The following SENP5 variants were observed in gnomAD, a reference collection of about 807,000 sequenced individuals.
SENP5 encodes the protein sentrin-specific protease 5.
SENP5 carries 21 observed loss-of-function variants against 74.2 expected under a neutral mutation model. The observed-to-expected ratio is 0.28, with a 90% CI of 0.20 to 0.41. The LOEUF is 0.41. Among genes scored for constraint, SENP5 ranks in the 10% least tolerant of loss-of-function variants. The probability of loss-of-function intolerance (pLI) is 1.00; values close to 1 mark genes in which losing one functional copy is unlikely to be tolerated. For missense variants in SENP5, 717 were observed against 889.1 expected, an observed-to-expected ratio of 0.81 and a Z score of 2.46; for synonymous variants, 311 against 312.7, an observed-to-expected ratio of 0.99 and a Z score of 0.06.
intron 6 of SENP5, among the ~76,000 whole-genome samples, chr3:196,920,208 C>T (rs1246082224): frequency 6.6e-6 from 1 of 152,142 alleles, no homozygotes; most frequent in Non-Finnish European, 1.5e-5. Flanking sequence ...TGGTATATAT[C>T]TTTGCATTTA....
intron 6 of SENP5, among the ~76,000 whole-genome samples, chr3:196,911,621 C>T (rs1011977364): frequency 2.0e-5 from 3 of 151,146 alleles, no homozygotes; most frequent in Non-Finnish European, 2.9e-5. Context: ...ATCAGTTGGG[C>T]GCGGTGGCTC....
At chr3:196,888,320 C>T (rs998146977) in intron 2 of SENP5, among the ~76,000 whole-genome samples, 2 of 152,104 alleles carry the variant, frequency 1.3e-5, no homozygotes, top group Admixed American at 6.5e-5. Flanking sequence ...CTGTGGCTCA[C>T]GCCTGTAATC....
intron 8 of SENP5, among the ~76,000 whole-genome samples, chr3:196,928,116 A>T (rs775228538): frequency 3.9e-5 from 6 of 152,006 alleles, no homozygotes; most frequent in Non-Finnish European, 8.8e-5. Flanking sequence ...GTTGCTAATG[A>T]TGTGTTTGCT....
intron 7 of SENP5, among the ~76,000 whole-genome samples, chr3:196,925,024 G>GGT (rs760216478): frequency 3.9e-5 from 6 of 152,104 alleles, no homozygotes; most frequent in Non-Finnish European, 8.8e-5. Context: ...AATACATGCA[G>GGT]GTGTATGTGT....
intron 1 of SENP5, among the ~76,000 whole-genome samples, chr3:196,868,541 C>G (rs1019544200): frequency 6.6e-6 from 1 of 152,152 alleles, no homozygotes; most frequent in Non-Finnish European, 1.5e-5. Flanking sequence ...GACGTCTTTT[C>G]CCTTCGGTCT....
intron 8 of SENP5, among the ~76,000 whole-genome samples, chr3:196,928,724 A>G (rs1208319682): frequency 6.6e-6 from 1 of 152,200 alleles, no homozygotes; most frequent in Non-Finnish European, 1.5e-5. Context: ...ACCAAATGCT[A>G]AATTTTAAAA....
intron 6 of SENP5, among the ~76,000 whole-genome samples, chr3:196,911,513 C>T (rs904997972): frequency 3.3e-5 from 5 of 150,774 alleles, no homozygotes; most frequent in African/African-American, 7.3e-5. Flanking sequence ...GCCAAGATTG[C>T]GCCACTGCAC....
At chr3:196,870,132 G>A (rs1383589222) in intron 1 of SENP5, among the ~76,000 whole-genome samples, 3 of 152,090 alleles carry the variant, frequency 2.0e-5, no homozygotes, top group Non-Finnish European at 4.4e-5. Context: ...ATGTCTTTGC[G>A]AATTTTTAGT....
chr3:196,897,291 G>A (rs1424387159), intron 2 of SENP5, among the ~76,000 whole-genome samples: 2 of 152,194 alleles, frequency 1.3e-5, no homozygotes, highest in African/African-American at 2.4e-5. Context: ...ACAAGGTTAT[G>A]ATTAGGTAAC....
intron 6 of SENP5, among the ~76,000 whole-genome samples, chr3:196,905,962 G>A (rs1030413566): frequency 2.6e-5 from 4 of 152,146 alleles, no homozygotes; most frequent in Non-Finnish European, 5.9e-5. Flanking sequence ...TCATGTCCCC[G>A]TAATCCCAGC....
intron 1 of SENP5, among the ~76,000 whole-genome samples, chr3:196,876,973 C>T (rs190593720): frequency 1.3e-5 from 2 of 152,182 alleles, no homozygotes; most frequent in East Asian, 1.9e-4. Flanking sequence ...AAACCCAAAC[C>T]GTGGAATCAT....
chr3:196,929,705 G>A (rs777329496), intron 9 of SENP5, 22 bp downstream of exon 9: 5 of 1,568,810 alleles, frequency 3.2e-6, no homozygotes, highest in African/African-American at 1.4e-5. Flanking sequence ...CTTGCTTTTC[G>A]GAACTTACAA....
intron 1 of SENP5, among the ~76,000 whole-genome samples, chr3:196,874,879 A>G (rs1713388191): frequency 6.6e-6 from 1 of 152,160 alleles, no homozygotes; most frequent in South Asian, 2.1e-4. Flanking sequence ...GAAAAAAAAA[A>G]AAATTCCTAG....
chr3:196,868,230 C>T (rs1359002124), intron 1 of SENP5, among the ~76,000 whole-genome samples, 157 bp downstream of exon 1: 1 of 152,232 alleles, frequency 6.6e-6, no homozygotes, highest in Non-Finnish European at 1.5e-5. Flanking sequence ...CCGTCTCGGC[C>T]ACAGCCTCCC....
intron 5 of SENP5, 95 bp from the exon 6 acceptor site, chr3:196,903,438 C>A: frequency 1.4e-6 from 1 of 728,118 alleles, no homozygotes; most frequent in Non-Finnish European, 2.2e-6. Flanking sequence ...TTTTTGTCTG[C>A]TTTACATTCA....
chr3:196,885,620 AGT>A lies in SENP5; in HGVS notation c.441_442del (p.Ala148PhefsTer10). The A allele has an allele frequency of 6.2e-7, 1 of 1,614,220 alleles. No homozygotes were observed. Among genetic ancestry groups the A allele is most frequent in the Non-Finnish European group, 8.5e-7 (1 of 1,180,056 alleles). On this transcript the variant is annotated frameshift_variant, in exon 2 of 10. Coordinates refer to ENST00000323460, the MANE Select transcript of SENP5 (RefSeq NM_152699.5). LOFTEE classifies it high-confidence loss of function. ...GGCAGTTACTGACTTTCCATCAAATAGTGCTTTAGGTCAGGCCAATGGTCACA... is the reference window on the plus strand; with the variant it reads ...GGCAGTTACTGACTTTCCATCAAATAGCTTTAGGTCAGGCCAATGGTCACA... Reference protein sequence around the residue: ...LKAVTDFPSNSALGQANGHRP... With the variant: ...LKAVTDFPSNXALGQANGHRP...
chr3:196,898,340 T>C (rs1238295185), intron 2 of SENP5, among the ~76,000 whole-genome samples: 1 of 151,564 alleles, frequency 6.6e-6, no homozygotes, highest in Non-Finnish European at 1.5e-5. Context: ...CCTTTAAATT[T>C]TATTTCTCAT....
At chr3:196,898,900 C>G (rs1172002283) in intron 2 of SENP5, among the ~76,000 whole-genome samples, 1 of 151,550 alleles carries the variant, frequency 6.6e-6, no homozygotes, top group Admixed American at 6.6e-5. Context: ...GATGATGATT[C>G]CATTCGTCTC....
chr3:196,914,881 T>G (rs1715309109), intron 6 of SENP5, among the ~76,000 whole-genome samples: 2 of 152,048 alleles, frequency 1.3e-5, no homozygotes, highest in African/African-American at 4.8e-5. Context: ...ACACCACCCC[T>G]TCCCTATCCC....
Sources: gnomAD v4.1 joint callset for allele counts (sites outside exome capture counted in the v4.1 genomes callset) on GRCh38, gnomAD v4.1.1 for gene constraint, MANE v1.5 for transcripts, NCBI Gene and HGNC (gene_info 2026-07-23, HGNC 2026-07-21) for gene names.